Variants in KCNH8 observed in about 807,000 individuals in gnomAD.
KCNH8 encodes voltage-gated delayed rectifier potassium channel KCNH8.
A neutral mutation model predicts 103.6 loss-of-function variants in KCNH8; 70 were observed. The ratio of observed to expected loss-of-function variants is 0.68; its 90% CI spans 0.56 to 0.82. The LOEUF is 0.82. Ranked by LOEUF, KCNH8 falls within the 40% of genes least tolerant of loss-of-function variation. The probability of loss-of-function intolerance (pLI) is 0.00; values close to 1 mark genes in which losing one functional copy is unlikely to be tolerated. For synonymous variants in KCNH8, 498 were observed against 489.4 expected, an observed-to-expected ratio of 1.02 and a Z score of -0.23; for missense variants, 1,217 against 1,329.9, an observed-to-expected ratio of 0.92 and a Z score of 1.32.
intron 1 of KCNH8, among the ~76,000 whole-genome samples, chr3:19,218,655 C>T (rs2063840667): frequency 6.6e-6 from 1 of 152,210 alleles, no homozygotes; most frequent in African/African-American, 2.4e-5. Flanking sequence ...CAATGTACCA[C>T]AAACTTAAAT....
At chr3:19,507,895 C>T (rs1559363826) in intron 11 of KCNH8, among the ~76,000 whole-genome samples, 1 of 152,168 alleles carries the variant, frequency 6.6e-6, no homozygotes, top group Non-Finnish European at 1.5e-5. Context: ...GAGCTGCTAC[C>T]TTCCCAAAAG....
chr3:19,320,371 G>A (rs1027231091), intron 3 of KCNH8, among the ~76,000 whole-genome samples: 1 of 151,984 alleles, frequency 6.6e-6, no homozygotes, highest in African/African-American at 2.4e-5. Flanking sequence ...ATCATAAAGG[G>A]ATGCTGGATT....
chr3:19,501,979 A>C (rs1246668696), intron 11 of KCNH8, among the ~76,000 whole-genome samples: 2 of 152,094 alleles, frequency 1.3e-5, no homozygotes, highest in African/African-American at 4.8e-5. Context: ...AGGAAGTCAA[A>C]TTGTCTCTGT....
At chr3:19,199,043 A>G (rs911574500) in intron 1 of KCNH8, among the ~76,000 whole-genome samples, 1 of 152,138 alleles carries the variant, frequency 6.6e-6, no homozygotes, top group Non-Finnish European at 1.5e-5. Context: ...TAGTAGCTTC[A>G]TATTTATGGA....
At chr3:19,270,339 A>G (rs2064570455) in intron 2 of KCNH8, among the ~76,000 whole-genome samples, 1 of 152,202 alleles carries the variant, frequency 6.6e-6, no homozygotes, top group Non-Finnish European at 1.5e-5. Flanking sequence ...CTCACAGTTT[A>G]GAAGGATTCT....
At chr3:19,223,668 A>T (rs2125233212) in intron 1 of KCNH8, among the ~76,000 whole-genome samples, 1 of 152,240 alleles carries the variant, frequency 6.6e-6, no homozygotes, top group South Asian at 2.1e-4. Context: ...ACTAAATCAC[A>T]CTGCTAGAGT....
intron 7 of KCNH8, among the ~76,000 whole-genome samples, chr3:19,405,316 T>C (rs893780634): frequency 6.6e-6 from 1 of 151,894 alleles, no homozygotes; most frequent in Non-Finnish European, 1.5e-5. Context: ...CACTACTGTA[T>C]AAGAAAATCT....
At chr3:19,306,986 G>GTA (rs920036597) in intron 3 of KCNH8, among the ~76,000 whole-genome samples, 5 of 151,898 alleles carry the variant, frequency 3.3e-5, no homozygotes, top group Non-Finnish European at 7.4e-5. Flanking sequence ...AAAAGCTATA[G>GTA]TAACCACAAC....
intron 1 of KCNH8, among the ~76,000 whole-genome samples, chr3:19,162,719 C>T (rs1214315988): frequency 1.3e-5 from 2 of 152,022 alleles, no homozygotes; most frequent in African/African-American, 4.8e-5. Context: ...ATCTCTAAAT[C>T]TGGAACAACA....
At chr3:19,152,107 C>G (rs917388309) in intron 1 of KCNH8, among the ~76,000 whole-genome samples, 3 of 152,040 alleles carry the variant, frequency 2.0e-5, no homozygotes, top group Admixed American at 2.0e-4. Flanking sequence ...CACACACACT[C>G]CTAACGTTAT....
At chr3:19,531,385 T>C (rs1401414401) in intron 15 of KCNH8, among the ~76,000 whole-genome samples, 4 of 152,214 alleles carry the variant, frequency 2.6e-5, no homozygotes, top group Non-Finnish European at 5.9e-5. Context: ...GGTAATGAAA[T>C]TGACAACCCA....
At chr3:19,466,812 C>T (rs1031941591) in intron 11 of KCNH8, among the ~76,000 whole-genome samples, 9 of 151,664 alleles carry the variant, frequency 5.9e-5, no homozygotes, top group Non-Finnish European at 1.5e-5. Context: ...CAGGCATGTG[C>T]CACCCTGCCT....
chr3:19,430,150 G>A (rs2067097994), intron 7 of KCNH8, among the ~76,000 whole-genome samples: 1 of 152,166 alleles, frequency 6.6e-6, no homozygotes, highest in Non-Finnish European at 1.5e-5. Context: ...TGTATATGGT[G>A]TAAGGAAGCG....
intron 7 of KCNH8, among the ~76,000 whole-genome samples, chr3:19,409,493 A>T (rs2066743309): frequency 6.6e-6 from 1 of 152,198 alleles, no homozygotes. Context: ...CAACTTCATG[A>T]TAAGATCAAA....
At chr3:19,440,559 C>T (rs902414273) in intron 8 of KCNH8, among the ~76,000 whole-genome samples, 3 of 152,128 alleles carry the variant, frequency 2.0e-5, no homozygotes, top group African/African-American at 2.4e-5. Context: ...GGCTTATTTA[C>T]TATCAGGAGA....
chr3:19,501,448 C>A (rs1234907162), intron 11 of KCNH8, among the ~76,000 whole-genome samples: 1 of 152,188 alleles, frequency 6.6e-6, no homozygotes, highest in Admixed American at 6.5e-5. Context: ...CATCCTGATA[C>A]CAAAGCCGGG....
chr3:19,461,329 G>A (rs1426322332), intron 11 of KCNH8, among the ~76,000 whole-genome samples: 1 of 152,102 alleles, frequency 6.6e-6, no homozygotes, highest in Non-Finnish European at 1.5e-5. Flanking sequence ...TTGGACCTCT[G>A]TTTCTATAAG....
chr3:19,293,587 A>G (rs1487813583), intron 3 of KCNH8, among the ~76,000 whole-genome samples: 1 of 152,176 alleles, frequency 6.6e-6, no homozygotes, highest in Non-Finnish European at 1.5e-5. Context: ...TGTGACATAT[A>G]CATTTCTTAG....
chr3:19,249,005 A>G (rs571518192), intron 1 of KCNH8, among the ~76,000 whole-genome samples: 1 of 152,288 alleles, frequency 6.6e-6, no homozygotes, highest in East Asian at 1.9e-4. Context: ...GTACATTTAT[A>G]TCTTACTGTT....
Sources: gnomAD v4.1 joint callset for allele counts (sites outside exome capture counted in the v4.1 genomes callset) on GRCh38, gnomAD v4.1.1 for gene constraint, MANE v1.5 for transcripts, NCBI Gene and HGNC (gene_info 2026-07-23, HGNC 2026-07-21) for gene names.